Variants in BMPR1B observed in about 807,000 individuals in gnomAD.
The protein encoded by BMPR1B is bone morphogenetic protein receptor type 1B, also known as bone morphogenetic protein receptor type-1B.
In BMPR1B, 12 loss-of-function variants were observed where a neutral mutation model predicts 59.1. The ratio of observed to expected loss-of-function variants is 0.20; its 90% CI spans 0.13 to 0.33. The LOEUF (loss-of-function observed/expected upper bound fraction) is 0.33, where lower values mean the gene tolerates loss of function less well. Among genes scored for constraint, BMPR1B ranks in the 10% least tolerant of loss-of-function variants. The pLI is 1.00. For synonymous variants in BMPR1B, 237 were observed against 207.3 expected (o/e 1.14, Z -1.23); for missense variants, 550 against 610.9 (o/e 0.90, Z 1.05).
At chr4:94,901,943 G>C (rs1727824116) in intron 2 of BMPR1B, among the ~76,000 whole-genome samples, 1 of 151,540 alleles carries the variant, frequency 6.6e-6, no homozygotes, top group African/African-American at 2.4e-5. Flanking sequence ...TAGACATATA[G>C]TCACATAGGT....
intron 3 of BMPR1B, among the ~76,000 whole-genome samples, chr4:95,038,606 T>C (rs1725431253): frequency 6.6e-6 from 1 of 152,216 alleles, no homozygotes; most frequent in South Asian, 2.1e-4. Flanking sequence ...TTCATAAATA[T>C]TTTTGGTTCA....
intron 3 of BMPR1B, among the ~76,000 whole-genome samples, chr4:95,007,438 A>G (rs1008279958): frequency 3.3e-5 from 5 of 152,162 alleles, no homozygotes; most frequent in Non-Finnish European, 7.4e-5. Flanking sequence ...AACAAATTCT[A>G]TTTTTAATCT....
At chr4:94,811,647 C>T (rs1199886722) in intron 1 of BMPR1B, among the ~76,000 whole-genome samples, 1 of 151,918 alleles carries the variant, frequency 6.6e-6, no homozygotes, top group Non-Finnish European at 1.5e-5. Flanking sequence ...TACAAAATTC[C>T]GGAGTTTAAG....
In BMPR1B at chr4:94,855,661, C is replaced by T. The variant is rs549223854; in HGVS notation, c.-182-20170C>T. Among the ~76,000 whole-genome samples the T allele has an allele frequency of 9.6e-4, 146 of 152,330 alleles. 2 individuals carry two copies. In the Middle Eastern group the frequency reaches 0.01, roughly 11 times the overall value. On this transcript the variant is annotated intron_variant, in intron 1 of 12. Transcript: ENST00000515059. ...TTTCTAAGTCTTCTGGTTCCAGTTA[C>T]CACTGAAGAAAAGGAATGTGCATTG...
At chr4:95,028,775 T>C (rs1724601849) in intron 3 of BMPR1B, among the ~76,000 whole-genome samples, 1 of 152,080 alleles carries the variant, frequency 6.6e-6, no homozygotes, top group South Asian at 2.1e-4. Context: ...ATCTACCGTT[T>C]CTAATGCAGG....
At chr4:94,899,779 T>A (rs761375205) in intron 2 of BMPR1B, among the ~76,000 whole-genome samples, 19 of 152,026 alleles carry the variant, frequency 1.2e-4, no homozygotes, top group Non-Finnish European at 2.2e-4. Context: ...AAGGAGGAAA[T>A]TAAAACTTTT....
At chr4:94,971,208 C>CT (rs1194342073) in intron 2 of BMPR1B, among the ~76,000 whole-genome samples, 1 of 152,060 alleles carries the variant, frequency 6.6e-6, no homozygotes, top group Non-Finnish European at 1.5e-5. Flanking sequence ...TTTTTTCCCT[C>CT]TAGTAATGGA....
chr4:95,111,432 A>G (rs1579095942), intron 4 of BMPR1B, among the ~76,000 whole-genome samples: 1 of 152,110 alleles, frequency 6.6e-6, no homozygotes, highest in Non-Finnish European at 1.5e-5. Flanking sequence ...TGTAAACACT[A>G]TATTCATGTG....
In BMPR1B at chr4:95,125,014, A is replaced by C; in HGVS notation, c.478A>C (p.Ser160Arg). 1 of 1,613,522 alleles carries C rather than the reference A, an allele frequency of 6.2e-7. No individual in the cohort carries two copies. The highest frequency in any genetic ancestry group is 2.2e-5 in the East Asian group (1 of 44,866). Residue 160 changes from serine (S) to arginine (R), a missense_variant, in exon 8 of 13, where the codon AGC becomes CGC. Transcript: ENST00000515059. Reference protein sequence around the residue: ...YKRQETRPRYSIGLEQDETYI... With the variant: ...YKRQETRPRYRIGLEQDETYI... The stretch of plus-strand genomic sequence containing the variant: ...AAGACAAGAAACCAGACCTCGATAC[A>C]GCATTGGGTTAGAACAGGATGAAAC...
At chr4:94,823,048 A>C (rs558213627) in intron 1 of BMPR1B, among the ~76,000 whole-genome samples, 1 of 152,192 alleles carries the variant, frequency 6.6e-6, no homozygotes, top group African/African-American at 2.4e-5. Flanking sequence ...TTTGGTATCT[A>C]TGCTTGGCAA....
rs33971989 is a variant in BMPR1B, at chr4:94,845,343, CT to C, written c.-182-30471del. Among the ~76,000 whole-genome samples, 310 of 142,438 alleles carry C rather than the reference CT, an allele frequency of 2.2e-3. 1 individual carries two copies. Among genetic ancestry groups the C allele is most frequent in the South Asian group, 3.6e-3 (16 of 4,466 alleles). 93.4% of individuals were successfully genotyped at this position (142,438 alleles called of 152,430 possible). ...GAGACTGACAATAACCAAGGAAATT[CT>C]TTTTTTTTTTTTTTTTAAGATGGAG... On this transcript the variant is annotated intron_variant, in intron 1 of 12. Transcript: ENST00000515059.
In BMPR1B at chr4:95,104,557, A is replaced by T. The variant is rs749047942; in HGVS notation, c.133A>T (p.Asn45Tyr). The change falls in exon 4 of 13, where the codon AAT becomes TAT. Residue 45 changes from asparagine to tyrosine, a missense_variant. Coordinates refer to ENST00000515059, the MANE Select transcript of BMPR1B (RefSeq NM_001203.3). ...CCATTGTCCAGAAGACTCAGTCAAC[A>T]ATATTTGCAGGTTGGTGATATAAAT... ...HHHCPEDSVN[N>Y]ICSTDGYCFT... is the part of the protein sequence containing the mutation. 6 of 1,613,408 alleles carry T rather than the reference A, an allele frequency of 3.7e-6. No individual in the cohort carries two copies. The highest frequency in any genetic ancestry group is 5.1e-6 in the Non-Finnish European group (6 of 1,179,530).
At chr4:95,038,033 G>A (rs1165436438) in intron 3 of BMPR1B, among the ~76,000 whole-genome samples, 1 of 152,138 alleles carries the variant, frequency 6.6e-6, no homozygotes, top group African/African-American at 2.4e-5. Context: ...AGTGTAAGGA[G>A]GATTGAGAGT....
chr4:95,042,183 A>C (rs1725706186), intron 3 of BMPR1B, among the ~76,000 whole-genome samples: 1 of 152,062 alleles, frequency 6.6e-6, no homozygotes, highest in Non-Finnish European at 1.5e-5. Context: ...GTACCCACCT[A>C]ATACGGTAAG....
intron 6 of BMPR1B, among the ~76,000 whole-genome samples, chr4:95,120,101 T>C (rs887100882): frequency 6.6e-6 from 1 of 152,188 alleles, no homozygotes; most frequent in Non-Finnish European, 1.5e-5. Context: ...TTCCCACTTA[T>C]AAGTGAGAAC....
At chr4:95,115,247 T>C (rs1372148966) in intron 5 of BMPR1B, among the ~76,000 whole-genome samples, 2 of 152,184 alleles carry the variant, frequency 1.3e-5, no homozygotes. Context: ...TCACAACATA[T>C]CCCTGTCTTT....
At chr4:94,779,955 T>C (rs145034891) in intron 1 of BMPR1B, among the ~76,000 whole-genome samples, 2 of 152,178 alleles carry the variant, frequency 1.3e-5, no homozygotes, top group Non-Finnish European at 2.9e-5. Flanking sequence ...ATCGTAAAAG[T>C]TCCCCCCCTT....
chr4:95,108,980 C>T (rs897177373), intron 4 of BMPR1B, among the ~76,000 whole-genome samples: 2 of 151,972 alleles, frequency 1.3e-5, no homozygotes, highest in Admixed American at 6.6e-5. Flanking sequence ...GTTTCCTGTC[C>T]TAGCAAGTGT....
intron 3 of BMPR1B, among the ~76,000 whole-genome samples, chr4:95,068,372 C>T (rs534278306): frequency 3.0e-4 from 45 of 152,288 alleles, no homozygotes; most frequent in Non-Finnish European, 6.3e-4. Flanking sequence ...CATTGGGCAT[C>T]TGTGTGTACC....
Sources: gnomAD v4.1 joint callset for allele counts (sites outside exome capture counted in the v4.1 genomes callset) on GRCh38, gnomAD v4.1.1 for gene constraint, MANE v1.5 for transcripts, NCBI Gene and HGNC (gene_info 2026-07-23, HGNC 2026-07-21) for gene names.